Variants in METAP1D observed in about 807,000 individuals in gnomAD.
METAP1D encodes methionine aminopeptidase 1D, mitochondrial.
In METAP1D, 31 loss-of-function variants were observed where a neutral mutation model predicts 40.5. That is an observed-to-expected ratio of 0.77 (90% confidence interval 0.58 to 1.03). The LOEUF is 1.03. Among genes scored for constraint, METAP1D ranks in the 50% least tolerant of loss-of-function variants. The probability of loss-of-function intolerance (pLI) is 0.00; values close to 1 mark genes in which losing one functional copy is unlikely to be tolerated. For missense variants in METAP1D, 411 were observed against 420.7 expected (o/e 0.98, Z 0.20); for synonymous variants, 151 against 146.4 (o/e 1.03, Z -0.22).
intron 1 of METAP1D, among the ~76,000 whole-genome samples, chr2:172,036,144 C>G (rs1011444041): frequency 5.3e-5 from 8 of 151,300 alleles, no homozygotes; most frequent in Admixed American, 3.3e-4. Context: ...GGTGAAACCC[C>G]GTCTCTACTA....
chr2:172,081,237 C>T lies in METAP1D; in HGVS notation c.*831C>T, dbSNP rs1690706950. On this transcript the variant is annotated 3_prime_UTR_variant, in exon 10 of 10. Transcript: ENST00000315796. ...GCACTAGGAATTCGAGCTTGGGCCC[C>T]ACTCGCCCAGGTGTGAACAGTGGCT... 6.6e-6 allele frequency: 1 copy of T among 152,144 alleles called. No homozygotes were observed. 9.4% of individuals were successfully genotyped at this position (152,144 alleles called of 1,614,324 possible). A position where few individuals can be genotyped will look rare whatever the true frequency, so the allele number is the denominator to read the frequency against.
At chr2:172,005,769 CCCAA>C (rs1470584611) in intron 1 of METAP1D, among the ~76,000 whole-genome samples, 1 of 151,554 alleles carries the variant, frequency 6.6e-6, no homozygotes, top group African/African-American at 2.4e-5. Context: ...AAACTCCTGA[CCCAA>C]ATGATCCACC....
chr2:172,060,321 T>C (rs1338056808), intron 1 of METAP1D, among the ~76,000 whole-genome samples: 1 of 146,668 alleles, frequency 6.8e-6, no homozygotes, highest in African/African-American at 2.5e-5. Context: ...GAGGCTGAAG[T>C]GGGAGGATTC....
intron 1 of METAP1D, among the ~76,000 whole-genome samples, chr2:172,000,538 A>T (rs1367418338): frequency 6.6e-6 from 1 of 152,206 alleles, no homozygotes; most frequent in Non-Finnish European, 1.5e-5. Context: ...AGATTTTAGT[A>T]AATATACAAA....
In METAP1D at chr2:172,027,186, C is replaced by G. The variant is rs541653328; in HGVS notation, c.40+27177C>G. 5.9e-5 allele frequency among the ~76,000 whole-genome samples: 9 copies of G among 152,330 alleles called. No homozygotes were observed. The South Asian group carries it at 1.9e-3, about 32-fold the overall frequency. On this transcript the variant is annotated intron_variant, in intron 1 of 9. Transcript: ENST00000315796. ...AAAACTCCCAACCTAACACACAAAA[C>G]CATATGCCTCTGTGTCTAGAGTTAG...
At chr2:172,023,095 G>A (rs998750816) in intron 1 of METAP1D, among the ~76,000 whole-genome samples, 4 of 152,182 alleles carry the variant, frequency 2.6e-5, no homozygotes, top group African/African-American at 7.2e-5. Flanking sequence ...GGCTGAGGCA[G>A]GAGAATCGCT....
At chr2:172,008,291 C>G (rs79639539) in intron 1 of METAP1D, among the ~76,000 whole-genome samples, 73 of 152,236 alleles carry the variant, frequency 4.8e-4, no homozygotes, top group African/African-American at 1.8e-3. Context: ...TGACCTGGCT[C>G]ATTAGGAGTT....
chr2:172,067,237 G>T (rs993085829), intron 5 of METAP1D, among the ~76,000 whole-genome samples: 1 of 152,094 alleles, frequency 6.6e-6, no homozygotes, highest in African/African-American at 2.4e-5. Flanking sequence ...AATATTCAGG[G>T]AATACAATTT....
chr2:172,014,312 A>T (rs1205602702), intron 1 of METAP1D, among the ~76,000 whole-genome samples: 1 of 151,808 alleles, frequency 6.6e-6, no homozygotes, highest in African/African-American at 2.4e-5. Flanking sequence ...GGGTTTCACT[A>T]TGTTGGCCAG....
chr2:172,053,327 T>C (rs967925390), intron 1 of METAP1D, among the ~76,000 whole-genome samples: 2 of 152,250 alleles, frequency 1.3e-5, no homozygotes, highest in Non-Finnish European at 2.9e-5. Context: ...TCCTATGCTA[T>C]AGTCCCTTCT....
chr2:172,005,547 T>TATC (rs1227539865), intron 1 of METAP1D, among the ~76,000 whole-genome samples: 1 of 56,128 alleles, frequency 1.8e-5, no homozygotes, highest in African/African-American at 4.3e-5. Context: ...TATATATATC[T>TATC]TTTTTTTTTT....
intron 3 of METAP1D, among the ~76,000 whole-genome samples, chr2:172,064,729 A>G (rs1029025276): frequency 2.6e-5 from 4 of 152,202 alleles, no homozygotes; most frequent in Non-Finnish European, 4.4e-5. Flanking sequence ...ATTTTCTGCC[A>G]AAAGGTGGGC....
At chr2:172,005,538 A>ATC (rs1688558661) in intron 1 of METAP1D, among the ~76,000 whole-genome samples, 1 of 117,290 alleles carries the variant, frequency 8.5e-6, no homozygotes, top group African/African-American at 2.7e-5. Context: ...ATATATATAT[A>ATC]TATATATCTT....
At chr2:172,062,255 T>C (rs1690158312) in intron 2 of METAP1D, among the ~76,000 whole-genome samples, 1 of 152,092 alleles carries the variant, frequency 6.6e-6, no homozygotes, top group Non-Finnish European at 1.5e-5. Flanking sequence ...TAAAGAAATA[T>C]AGATTGGTCA....
chr2:172,066,114 AT>A, intron 4 of METAP1D, 149 bp from the exon 5 acceptor site: 1 of 636,552 alleles, frequency 1.6e-6, no homozygotes, highest in East Asian at 3.0e-5. Flanking sequence ...TGAAATAAAG[AT>A]TAGATTTAGT....
chr2:172,073,111 C>T (rs1035648956), intron 6 of METAP1D, among the ~76,000 whole-genome samples: 1 of 152,176 alleles, frequency 6.6e-6, no homozygotes, highest in African/African-American at 2.4e-5. Context: ...CTACAATTTT[C>T]CATCATTAAG....
At chr2:172,026,447 G>A (rs1420329464) in intron 1 of METAP1D, among the ~76,000 whole-genome samples, 2 of 152,130 alleles carry the variant, frequency 1.3e-5, no homozygotes, top group African/African-American at 2.4e-5. Context: ...ACCATTGATG[G>A]TCATGGCTGA....
At chr2:172,016,300 A>AATAT (rs1188835723) in intron 1 of METAP1D, among the ~76,000 whole-genome samples, 708 of 39,904 alleles carry the variant, frequency 0.018, 26 homozygotes, top group Non-Finnish European at 0.02. Context: ...AAAAAAAAAA[A>AATAT]ATATATATAT....
intron 1 of METAP1D, among the ~76,000 whole-genome samples, chr2:172,053,532 T>C (rs788169): frequency 0.033 from 5,094 of 152,310 alleles, 291 homozygotes; most frequent in African/African-American, 0.11. Flanking sequence ...TTTTTCTCTC[T>C]TGGTAATCAT....
Sources: gnomAD v4.1 joint callset for allele counts (sites outside exome capture counted in the v4.1 genomes callset) on GRCh38, gnomAD v4.1.1 for gene constraint, MANE v1.5 for transcripts, NCBI Gene and HGNC (gene_info 2026-07-23, HGNC 2026-07-21) for gene names.